Variants in ANKS1B observed in about 807,000 individuals in gnomAD.
ANKS1B encodes the protein ankyrin repeat and sterile alpha motif domain-containing protein 1B.
Under a neutral mutation model 148.3 loss-of-function variants are expected in ANKS1B, and 36 were observed. That is an observed-to-expected ratio of 0.24 (90% confidence interval 0.19 to 0.32). The LOEUF is 0.32. Ranked by LOEUF, ANKS1B falls within the 10% of genes least tolerant of loss-of-function variation. The pLI is 1.00. For missense variants in ANKS1B, 1,157 were observed against 1,542.6 expected, an observed-to-expected ratio of 0.75 and a Z score of 4.19; for synonymous variants, 542 against 560.8, an observed-to-expected ratio of 0.97 and a Z score of 0.47.
chr12:99,855,771 A>G lies in ANKS1B; in HGVS notation c.135-30382T>C, dbSNP rs549571644. ...AACTCCAAAAGGAACCCTCAAAACC[A>G]TGGAAATACATGGAAATTAAATAAC... On this transcript the variant is annotated intron_variant, in intron 1 of 26. Coordinates refer to ENST00000683438, the MANE Select transcript of ANKS1B (RefSeq NM_001352186.2). Among the ~76,000 whole-genome samples the G allele has an allele frequency of 5.3e-5, 8 of 152,196 alleles. 1 individual carries two copies. In the East Asian group the frequency reaches 1.5e-3, roughly 29 times the overall value.
intron 8 of ANKS1B, among the ~76,000 whole-genome samples, chr12:99,719,600 A>G (rs1208916965): frequency 1.3e-5 from 2 of 152,290 alleles, no homozygotes; most frequent in African/African-American, 4.8e-5. Context: ...CAGCAAGCCG[A>G]ACTCATTGCC....
At chr12:98,900,377 A>C (rs1009995988) in intron 17 of ANKS1B, among the ~76,000 whole-genome samples, 5 of 152,178 alleles carry the variant, frequency 3.3e-5, no homozygotes, top group Non-Finnish European at 5.9e-5. Context: ...TGTTTTGTGC[A>C]TTTTTAAGCA....
At chr12:99,687,317 C>T (rs2098655279) in intron 8 of ANKS1B, among the ~76,000 whole-genome samples, 1 of 152,028 alleles carries the variant, frequency 6.6e-6, no homozygotes, top group Non-Finnish European at 1.5e-5. Context: ...CTCAATGTGG[C>T]TCCTTTAAGT....
At chr12:99,407,060 A>G (rs2094547507) in intron 11 of ANKS1B, among the ~76,000 whole-genome samples, 1 of 146,080 alleles carries the variant, frequency 6.8e-6, no homozygotes, top group Non-Finnish European at 1.5e-5. Context: ...CCAAAACCGG[A>G]CAAAGACACA....
chr12:98,856,709 G>A (rs1050381698), intron 17 of ANKS1B, among the ~76,000 whole-genome samples: 2 of 152,118 alleles, frequency 1.3e-5, no homozygotes, highest in Admixed American at 6.6e-5. Context: ...CAGCCTCAGG[G>A]AGATACTGAA....
chr12:99,078,240 G>A (rs542120585), intron 16 of ANKS1B, among the ~76,000 whole-genome samples: 62 of 152,224 alleles, frequency 4.1e-4, no homozygotes, highest in African/African-American at 1.3e-3. Context: ...ATTAGAACCC[G>A]TTTTATTTGC....
intron 15 of ANKS1B, among the ~76,000 whole-genome samples, chr12:99,087,539 G>A (rs2052346694): frequency 6.6e-6 from 1 of 152,204 alleles, no homozygotes; most frequent in Admixed American, 6.5e-5. Flanking sequence ...GAGCATGGCT[G>A]AGAATACAAA....
In ANKS1B at chr12:99,561,878, T is replaced by C. The variant is rs1278294475; in HGVS notation, c.1273-57237A>G. Among the ~76,000 whole-genome samples the C allele has an allele frequency of 2.0e-5, 3 of 152,240 alleles. 1 individual carries two copies. The East Asian group carries it at 5.8e-4, about 29-fold the overall frequency. On this transcript the variant is annotated intron_variant, in intron 9 of 26. Transcript: ENST00000683438. ...CAAATGTTCTTAATAGCAAGTAGAA[T>C]GGTAAATCCTTTCTAGAAGGTTTTC...
chr12:98,781,325 C>T lies in ANKS1B; in HGVS notation c.3355-122G>A. The T allele has an allele frequency of 4.4e-6, 3 of 688,854 alleles. No individual in the cohort carries two copies. The South Asian group carries it at 4.5e-5, about 10-fold the overall frequency. 42.7% of individuals were successfully genotyped at this position (688,854 alleles called of 1,614,324 possible). ...TAAAAACAACAACAACACACACACA[C>T]ACACACACACACACACATCAGATAC... On this transcript the variant is annotated intron_variant, in intron 23 of 26. Coordinates refer to ENST00000683438, the MANE Select transcript of ANKS1B (RefSeq NM_001352186.2).
chr12:99,682,878 T>A (rs2098629271), intron 8 of ANKS1B, among the ~76,000 whole-genome samples: 2 of 152,274 alleles, frequency 1.3e-5, no homozygotes, highest in South Asian at 4.1e-4. Flanking sequence ...TATTAGTCCC[T>A]TTTCATGCTG....
At chr12:99,512,947 A>G (rs910306916) in intron 9 of ANKS1B, among the ~76,000 whole-genome samples, 3 of 151,948 alleles carry the variant, frequency 2.0e-5, no homozygotes, top group Non-Finnish European at 4.4e-5. Flanking sequence ...AATAGATGCT[A>G]GGCTTAATAC....
At chr12:98,796,985 C>T (rs746735053) in intron 22 of ANKS1B, among the ~76,000 whole-genome samples, 1 of 152,116 alleles carries the variant, frequency 6.6e-6, no homozygotes, top group Non-Finnish European at 1.5e-5. Flanking sequence ...AATACTGATG[C>T]TGATTATCAC....
intron 12 of ANKS1B, among the ~76,000 whole-genome samples, chr12:99,370,315 C>A (rs1475172330): frequency 6.6e-6 from 1 of 152,086 alleles, no homozygotes; most frequent in Non-Finnish European, 1.5e-5. Context: ...GAAATATTGG[C>A]AGGGATAGCC....
At chr12:99,848,239 T>C (rs535556107) in intron 1 of ANKS1B, among the ~76,000 whole-genome samples, 26 of 152,094 alleles carry the variant, frequency 1.7e-4, no homozygotes, top group Non-Finnish European at 2.2e-4. Flanking sequence ...AGTCACAGTG[T>C]ATGAGGCATC....
chr12:99,714,176 C>T (rs982350321), intron 8 of ANKS1B, among the ~76,000 whole-genome samples: 19 of 152,256 alleles, frequency 1.2e-4, no homozygotes, highest in Middle Eastern at 3.4e-3. Context: ...CTTGGATCTC[C>T]GCTTCTGTCA....
At chr12:99,439,364 TCA>T (rs1242774867) in intron 11 of ANKS1B, among the ~76,000 whole-genome samples, 1 of 151,598 alleles carries the variant, frequency 6.6e-6, no homozygotes, top group Non-Finnish European at 1.5e-5. Flanking sequence ...TTTAGGCAAA[TCA>T]CAGAGTAGGA....
chr12:99,696,127 ATTT>A (rs564195573), intron 8 of ANKS1B, among the ~76,000 whole-genome samples: 2 of 152,014 alleles, frequency 1.3e-5, no homozygotes, highest in Admixed American at 6.6e-5. Context: ...AAAAAGAGAA[ATTT>A]TTTTTAAGTA....
chr12:99,805,273 A>AAAAAAAAAG (rs2067479641), intron 4 of ANKS1B, among the ~76,000 whole-genome samples: 1 of 145,254 alleles, frequency 6.9e-6, no homozygotes, highest in Non-Finnish European at 1.5e-5. Flanking sequence ...CAAAAAAAAA[A>AAAAAAAAAG]AAAAAAAAAA....
chr12:98,808,918 A>G (rs559962212), intron 19 of ANKS1B, among the ~76,000 whole-genome samples: 1 of 152,356 alleles, frequency 6.6e-6, no homozygotes, highest in South Asian at 2.1e-4. Context: ...AGGCAAGCAC[A>G]TAACCATAAT....
Sources: gnomAD v4.1 joint callset for allele counts (sites outside exome capture counted in the v4.1 genomes callset) on GRCh38, gnomAD v4.1.1 for gene constraint, MANE v1.5 for transcripts, NCBI Gene and HGNC (gene_info 2026-07-23, HGNC 2026-07-21) for gene names.